ITGAX: variants seen among roughly 807,000 people sequenced by gnomAD.
The protein encoded by ITGAX is integrin alpha-X.
A neutral mutation model predicts 140.2 loss-of-function variants in ITGAX; 99 were observed. That is an observed-to-expected ratio of 0.71 (90% CI 0.60 to 0.83). The LOEUF is 0.83. ITGAX is among the 40% of genes least tolerant of loss of function. The pLI is 0.00. For synonymous variants in ITGAX, 631 were observed against 600.4 expected (o/e 1.05, Z -0.75); for missense variants, 1,444 against 1,482.0 (o/e 0.97, Z 0.42).
chr16:31,380,715 G>T (rs575381471), intron 28 of ITGAX, 91 bp downstream of exon 28: 16 of 1,522,522 alleles, frequency 1.1e-5, no homozygotes, highest in Middle Eastern at 1.7e-4. Flanking sequence ...GCAAGCCTTG[G>T]GGGAGGAGGG....
intron 14 of ITGAX, among the ~76,000 whole-genome samples, chr16:31,364,905 G>C (rs1306273789): frequency 1.3e-5 from 2 of 151,372 alleles, no homozygotes; most frequent in Non-Finnish European, 2.9e-5. Flanking sequence ...TGTAATCCCA[G>C]CTACTTGGGA....
In ITGAX at chr16:31,361,822, A is replaced by G; in HGVS notation, c.1013-14A>G. The G allele has an allele frequency of 6.2e-7, 1 of 1,613,930 alleles. No individual in the cohort carries two copies. Among genetic ancestry groups the G allele is most frequent in the Non-Finnish European group, 8.5e-7 (1 of 1,179,888 alleles). On this transcript the variant is annotated splice_polypyrimidine_tract_variant and intron_variant, in intron 9 of 29. Coordinates refer to ENST00000268296, the MANE Select transcript of ITGAX (RefSeq NM_000887.5). ...TCTCCCTCCCTGGCACTCAAGCGTCATGCCTTCCCCCAGGTACGGAGACCA... is the reference window on the plus strand; with the variant it reads ...TCTCCCTCCCTGGCACTCAAGCGTCGTGCCTTCCCCCAGGTACGGAGACCA...
chr16:31,359,824 C>T lies in ITGAX; in HGVS notation c.555C>T (p.Ser185=), dbSNP rs763982466. 1 of 1,614,182 alleles carries T rather than the reference C, an allele frequency of 6.2e-7. No individual in the cohort carries two copies. Among genetic ancestry groups the T allele is most frequent in the South Asian group, 1.1e-5 (1 of 91,084 alleles). The stretch of plus-strand genomic sequence containing the variant: ...TGATAAGCCAGTTCCAGAGACCCAG[C>T]ACCCAGGTGTGCCTTTGGGGGAGGG... ...RAVISQFQRP[S]TQFSLMQFSN... is the part of the protein sequence containing the mutation. Residue 185 remains serine, a synonymous_variant, in exon 6 of 30, where the codon AGC becomes AGT. Coordinates refer to ENST00000268296, the MANE Select transcript of ITGAX (RefSeq NM_000887.5).
chr16:31,371,556 C>T (rs556349070), intron 16 of ITGAX, 59 bp downstream of exon 16: 13 of 1,609,344 alleles, frequency 8.1e-6, no homozygotes, highest in East Asian at 6.7e-5. Context: ...CCATCCCAGG[C>T]CCCTGTCTCC....
At position 31,362,191 on chromosome 16, in the gene ITGAX, G is replaced by A. The variant is rs530118018; in HGVS notation, c.1203G>A (p.Arg401=). 1 of 1,613,984 alleles carries A rather than the reference G, an allele frequency of 6.2e-7. No homozygotes were observed. The highest frequency in any genetic ancestry group is 1.3e-5 in the African/African-American group (1 of 74,990). ...INMSQENVDM[R]DSYLGYSTEL... is the part of the protein sequence containing the mutation. ...TGTCTCAGGAGAATGTGGACATGAG[G>A]GACTCTTACCTGGGTGAGAAACAGC... is the stretch of plus-strand genomic sequence containing the variant. Residue 401 remains arginine, a synonymous_variant, in exon 11 of 30, where the codon AGG becomes AGA. Coordinates refer to ENST00000268296, the MANE Select transcript of ITGAX (RefSeq NM_000887.5).
chr16:31,380,224 A>C, intron 26 of ITGAX, 42 bp from the exon 27 acceptor site: 1 of 1,595,280 alleles, frequency 6.3e-7, no homozygotes. Flanking sequence ...TCCCACCTTC[A>C]CACTCATCTT....
rs1356847545 is a variant in ITGAX, at chr16:31,373,309, T to C, written c.2427T>C (p.Asn809=). 1 of 1,613,900 alleles carries C rather than the reference T, an allele frequency of 6.2e-7. No individual in the cohort carries two copies. Among genetic ancestry groups the C allele is most frequent in the Non-Finnish European group, 8.5e-7 (1 of 1,180,012 alleles). ...TGAACGCAGAAGTGATGGTGTGGAATGACGGGGAAGACTCCTACGGAACCA... is the reference window on the plus strand; with the variant it reads ...TGAACGCAGAAGTGATGGTGTGGAACGACGGGGAAGACTCCTACGGAACCA... ...LELNAEVMVW[N]DGEDSYGTTI... The change falls in exon 20 of 30, where the codon AAT becomes AAC. Residue 809 remains asparagine, a synonymous_variant. Transcript: ENST00000268296.
At chr16:31,357,785 A>C (rs1391774170) in intron 5 of ITGAX, 1 of 411,284 alleles carries the variant, frequency 2.4e-6, no homozygotes, top group Non-Finnish European at 4.3e-6. Flanking sequence ...GTAGTTTAGG[A>C]AAGGTCAGTG....
In ITGAX at chr16:31,379,666, G is replaced by C. The variant is rs2081050029; in HGVS notation, c.2868+20G>C. 6.4e-7 allele frequency: 1 copy of C among 1,569,188 alleles called. No individual in the cohort carries two copies. The highest frequency in any genetic ancestry group is 1.4e-5 in the African/African-American group (1 of 73,858). ...TACCAGGCAGGTGGTGGAGACGCAGGAGACTGGGCTGGGGTGGGAGGCTGG... is the reference window on the plus strand; with the variant it reads ...TACCAGGCAGGTGGTGGAGACGCAGCAGACTGGGCTGGGGTGGGAGGCTGG... On this transcript the variant is annotated intron_variant, in intron 24 of 29. Coordinates refer to ENST00000268296, the MANE Select transcript of ITGAX (RefSeq NM_000887.5).
In ITGAX at chr16:31,361,138, A is replaced by G. The variant is rs79232545; in HGVS notation, c.937A>G (p.Ile313Val). The change falls in exon 9 of 30, where the codon ATA becomes GTA. Residue 313 changes from isoleucine (I) to valine (V), a missense_variant. By Grantham distance (29) the Ile-to-Val change is conservative. Transcript: ENST00000268296. The stretch of plus-strand genomic sequence containing the variant: ...TGCATCGAAGCCCTCCCAGGAACAC[A>G]TATTTAAAGTGGAGGACTTTGATGC... ...DIASKPSQEHIFKVEDFDALK... is the reference protein window; with the variant it reads ...DIASKPSQEHVFKVEDFDALK... The G allele has an allele frequency of 1.9e-6, 3 of 1,613,682 alleles. No individual in the cohort carries two copies. The highest frequency in any genetic ancestry group is 1.6e-4 in the Middle Eastern group (1 of 6,078).
At chr16:31,361,767 C>G (rs2080828395) in intron 9 of ITGAX, 69 bp from the exon 10 acceptor site, 4 of 1,490,248 alleles carry the variant, frequency 2.7e-6, no homozygotes, top group Non-Finnish European at 3.7e-6. Flanking sequence ...TCTCCTAAAG[C>G]TGAAGTGTTC....
intron 5 of ITGAX, among the ~76,000 whole-genome samples, chr16:31,358,789 G>T (rs891243018): frequency 6.6e-6 from 1 of 151,076 alleles, no homozygotes; most frequent in African/African-American, 2.4e-5. Flanking sequence ...GCTTCCTACC[G>T]TCTGAATTGG....
At chr16:31,362,043 C>T (rs1401993592) in intron 10 of ITGAX, 32 bp from the exon 11 acceptor site, 2 of 1,613,870 alleles carry the variant, frequency 1.2e-6, no homozygotes, top group African/African-American at 1.3e-5. Context: ...CTGCTCCGGC[C>T]TCTGCTCAGC....
At chr16:31,360,957 G>A in intron 8 of ITGAX, 106 bp from the exon 9 acceptor site, 1 of 1,082,018 alleles carries the variant, frequency 9.2e-7, no homozygotes, top group South Asian at 1.3e-5. Flanking sequence ...GTGTCCACCG[G>A]GTGTGATCAT....
chr16:31,365,020 G>C (rs900869308), intron 14 of ITGAX, among the ~76,000 whole-genome samples: 1 of 151,112 alleles, frequency 6.6e-6, no homozygotes, highest in Admixed American at 6.6e-5. Flanking sequence ...ACTCCGTCTC[G>C]AACAAACAAA....
At position 31,359,559 on chromosome 16, in the gene ITGAX, G is replaced by A. The variant is rs1191157083; in HGVS notation, c.431-141G>A. 3.4e-6 allele frequency: 3 copies of A among 879,800 alleles called. No individual in the cohort carries two copies. The African/African-American group carries it at 5.1e-5, about 15-fold the overall frequency. The allele number at this position is 879,800 out of a possible 1,614,324, so 54.5% of individuals were successfully genotyped here. The stretch of plus-strand genomic sequence containing the variant: ...TGCCCCTGATGAGGAGAGGACCCAG[G>A]GTGTGGAGCCTGACTCCCATCGCCA... On this transcript the variant is annotated intron_variant, in intron 5 of 29. Coordinates refer to ENST00000268296, the MANE Select transcript of ITGAX (RefSeq NM_000887.5).
intron 5 of ITGAX, among the ~76,000 whole-genome samples, chr16:31,358,743 C>T (rs986658659): frequency 6.6e-6 from 1 of 150,416 alleles, no homozygotes; most frequent in Non-Finnish European, 1.5e-5. Context: ...CAGGGAGGGG[C>T]ACAGATATCC....
chr16:31,357,465 G>A, intron 5 of ITGAX, 101 bp downstream of exon 5: 1 of 751,916 alleles, frequency 1.3e-6, no homozygotes, highest in Non-Finnish European at 2.2e-6. Flanking sequence ...AGAAAGAAGG[G>A]ATCTGGAAAA....
chr16:31,380,139 A>C (rs1183934553), intron 26 of ITGAX, 74 bp downstream of exon 26: 4 of 1,553,558 alleles, frequency 2.6e-6, no homozygotes, highest in Middle Eastern at 1.7e-4. Flanking sequence ...TTCATGTTCC[A>C]TATCCATCCT....
Sources: gnomAD v4.1 joint callset for allele counts (sites outside exome capture counted in the v4.1 genomes callset) on GRCh38, gnomAD v4.1.1 for gene constraint, MANE v1.5 for transcripts, NCBI Gene and HGNC (gene_info 2026-07-23, HGNC 2026-07-21) for gene names.